PPFIA2: variants seen among roughly 807,000 people sequenced by gnomAD.
PPFIA2 encodes the protein PPFI scaffold protein A2, also known as liprin-alpha-2.
Under a neutral mutation model 175.5 loss-of-function variants are expected in PPFIA2, and 46 were observed. That is an observed-to-expected ratio of 0.26 (90% CI 0.21 to 0.34). PPFIA2 has a LOEUF of 0.34. Among genes scored for constraint, PPFIA2 ranks in the 10% least tolerant of loss-of-function variants. PPFIA2 has a pLI of 1.00. For synonymous variants in PPFIA2, 568 were observed against 511.4 expected, an observed-to-expected ratio of 1.11 and a Z score of -1.49; for missense variants, 1,179 against 1,506.1, an observed-to-expected ratio of 0.78 and a Z score of 3.60.
chr12:81,728,276 T>C (rs1046526241), intron 3 of PPFIA2, among the ~76,000 whole-genome samples: 1 of 151,428 alleles, frequency 6.6e-6, no homozygotes, highest in African/African-American at 2.4e-5. Context: ...GAGTATCTTT[T>C]CTTATAGGGC....
rs148034361 is a variant in PPFIA2, at chr12:81,272,930, A to G, written c.3310+4387T>C. Among the ~76,000 whole-genome samples, 5 of 152,310 alleles carry G rather than the reference A, an allele frequency of 3.3e-5. No homozygotes were observed. In the East Asian group the frequency reaches 7.7e-4, roughly 23 times the overall value. ...TTACTACCTATATGTGTTCTGTAAT[A>G]TGTTCTAAACCTCAAATATACATAA... is the stretch of plus-strand genomic sequence containing the variant. On this transcript the variant is annotated intron_variant, in intron 28 of 32. Coordinates refer to ENST00000549396, the MANE Select transcript of PPFIA2 (RefSeq NM_003625.5).
intron 8 of PPFIA2, among the ~76,000 whole-genome samples, chr12:81,396,635 C>T (rs553179323): frequency 1.3e-5 from 2 of 152,166 alleles, no homozygotes; most frequent in Admixed American, 1.3e-4. Flanking sequence ...TTTAAAACAT[C>T]ACTCTTGTAT....
Position 81,375,790 on chromosome 12 carries a change from C to G in PPFIA2, c.1131+6G>C. On this transcript the variant is annotated splice_donor_region_variant and intron_variant, in intron 10 of 32. Transcript: ENST00000549396. ...CCAGAAGAAAACCAAGACAGAGATACTGAACCTGCCGCAGGATAGCTTCTT... is the reference window on the plus strand; with the variant it reads ...CCAGAAGAAAACCAAGACAGAGATAGTGAACCTGCCGCAGGATAGCTTCTT... 1 of 1,601,470 alleles carries G rather than the reference C, an allele frequency of 6.2e-7. No homozygotes were observed. The highest frequency in any genetic ancestry group is 8.5e-7 in the Non-Finnish European group (1 of 1,169,782).
At chr12:81,383,076 A>G (rs1285908893) in intron 9 of PPFIA2, among the ~76,000 whole-genome samples, 1 of 152,124 alleles carries the variant, frequency 6.6e-6, no homozygotes, top group Admixed American at 6.6e-5. Flanking sequence ...TGAACCTTGG[A>G]TTCAGTAACA....
intron 4 of PPFIA2, among the ~76,000 whole-genome samples, chr12:81,548,114 G>T (rs2067273577): frequency 6.6e-6 from 1 of 152,118 alleles, no homozygotes; most frequent in African/African-American, 2.4e-5. Flanking sequence ...ACTTAGAAAA[G>T]ATCAGTAATT....
chr12:81,463,362 T>TA, intron 4 of PPFIA2, among the ~76,000 whole-genome samples: 1 of 152,264 alleles, frequency 6.6e-6, no homozygotes, highest in African/African-American at 2.4e-5. Context: ...CTAAGTGTGT[T>TA]AAAATCAGTG....
intron 4 of PPFIA2, among the ~76,000 whole-genome samples, chr12:81,542,169 C>G (rs992679920): frequency 1.3e-5 from 2 of 152,026 alleles, no homozygotes; most frequent in Non-Finnish European, 2.9e-5. Flanking sequence ...TCACATGTAT[C>G]CTTTAAGACA....
Position 81,307,300 on chromosome 12 carries a change from C to T in PPFIA2, c.2643-7918G>A, listed in dbSNP as rs1036217084. ...TGGAAATAAGAGTTTGTTCTTCAAC[C>T]GTATCATGCATCTTTCTCTGGATGT... On this transcript the variant is annotated intron_variant, in intron 22 of 32. Coordinates refer to ENST00000549396, the MANE Select transcript of PPFIA2 (RefSeq NM_003625.5). 9.9e-5 allele frequency among the ~76,000 whole-genome samples: 15 copies of T among 151,874 alleles called. 1 individual carries two copies. Among genetic ancestry groups the T allele is most frequent in the Non-Finnish European group, 1.5e-5 (1 of 68,008 alleles).
At chr12:81,735,529 C>A (rs79221318) in intron 3 of PPFIA2, among the ~76,000 whole-genome samples, 1,739 of 151,644 alleles carry the variant, frequency 0.011, 29 homozygotes, top group African/African-American at 0.039. Flanking sequence ...GCATTTTCTC[C>A]TAGTTATCTT....
At chr12:81,295,119 A>G in intron 23 of PPFIA2, 84 bp from the exon 24 acceptor site, 1 of 1,280,286 alleles carries the variant, frequency 7.8e-7, no homozygotes, top group Non-Finnish European at 1.1e-6. Flanking sequence ...TATTTTATGT[A>G]TCTTACATAC....
At chr12:81,439,904 C>T (rs943477040) in intron 7 of PPFIA2, 68 bp downstream of exon 7, 13 of 1,221,284 alleles carry the variant, frequency 1.1e-5, no homozygotes, top group African/African-American at 3.1e-5. Context: ...ATAAAAGTGA[C>T]GTGAAACACA....
At chr12:81,442,237 G>A (rs2145097582) in intron 6 of PPFIA2, among the ~76,000 whole-genome samples, 1 of 151,980 alleles carries the variant, frequency 6.6e-6, no homozygotes, top group Non-Finnish European at 1.5e-5. Flanking sequence ...ATCTAAAACT[G>A]TTTTACAAGA....
chr12:81,496,888 T>A (rs12300090), intron 4 of PPFIA2, among the ~76,000 whole-genome samples: 1 of 151,996 alleles, frequency 6.6e-6, no homozygotes, highest in African/African-American at 2.4e-5. Context: ...GGATATCCTA[T>A]GCCACAGACC....
chr12:81,315,983 T>G (rs1318156797), intron 22 of PPFIA2, among the ~76,000 whole-genome samples: 1 of 151,724 alleles, frequency 6.6e-6, no homozygotes, highest in Non-Finnish European at 1.5e-5. Context: ...TCTAAGAATT[T>G]TGTTAATCAT....
intron 4 of PPFIA2, among the ~76,000 whole-genome samples, chr12:81,522,086 T>A (rs527875769): frequency 6.6e-6 from 1 of 152,298 alleles, no homozygotes; most frequent in South Asian, 2.1e-4. Context: ...TTTTTGAAAG[T>A]ATTAAATCTA....
At position 81,738,768 on chromosome 12, in the gene PPFIA2, A is replaced by G. The variant is rs561911685; in HGVS notation, c.249+15205T>C. 1.8e-4 allele frequency among the ~76,000 whole-genome samples: 28 copies of G among 152,044 alleles called. No homozygotes were observed. In the South Asian group the frequency reaches 5.4e-3, roughly 29 times the overall value. The stretch of plus-strand genomic sequence containing the variant: ...AAGTATTTACAGTAATTATAAAGAT[A>G]CCAAATAATTTAAAGAGAAAGATTA... On this transcript the variant is annotated intron_variant, in intron 3 of 32. Coordinates refer to ENST00000549396, the MANE Select transcript of PPFIA2 (RefSeq NM_003625.5).
intron 4 of PPFIA2, among the ~76,000 whole-genome samples, chr12:81,655,325 T>C (rs2067617314): frequency 6.6e-6 from 1 of 151,746 alleles, no homozygotes; most frequent in African/African-American, 2.4e-5. Context: ...CCATTATTTT[T>C]TTCTATATAT....
intron 9 of PPFIA2, among the ~76,000 whole-genome samples, chr12:81,382,342 T>C (rs1320845334): frequency 6.6e-6 from 1 of 152,082 alleles, no homozygotes; most frequent in African/African-American, 2.4e-5. Context: ...GTTTTGATAA[T>C]AGTGTAAGTA....
chr12:81,381,189 C>T (rs1413689762), intron 9 of PPFIA2, among the ~76,000 whole-genome samples: 1 of 151,994 alleles, frequency 6.6e-6, no homozygotes, highest in Non-Finnish European at 1.5e-5. Flanking sequence ...GAGAGATATT[C>T]CTTTCTCAGG....
Sources: gnomAD v4.1 joint callset for allele counts (sites outside exome capture counted in the v4.1 genomes callset) on GRCh38, gnomAD v4.1.1 for gene constraint, MANE v1.5 for transcripts, NCBI Gene and HGNC (gene_info 2026-07-23, HGNC 2026-07-21) for gene names.